The following PSTPIP2 variants were observed in gnomAD, a reference collection of about 807,000 sequenced individuals.
PSTPIP2 encodes proline-serine-threonine phosphatase interacting protein 2.
A neutral mutation model predicts 63.3 loss-of-function variants in PSTPIP2; 33 were observed. That is an observed-to-expected ratio of 0.52 (90% CI 0.40 to 0.70). PSTPIP2 has a LOEUF of 0.70. Ranked by LOEUF, PSTPIP2 falls within the 30% of genes least tolerant of loss-of-function variation. PSTPIP2 has a pLI of 0.00. For missense variants in PSTPIP2, 312 were observed against 400.7 expected (o/e 0.78, Z 1.89); for synonymous variants, 125 against 132.7 (o/e 0.94, Z 0.40).
At chr18:46,059,435 C>T (rs1041621877) in intron 1 of PSTPIP2, among the ~76,000 whole-genome samples, 1 of 151,920 alleles carries the variant, frequency 6.6e-6, no homozygotes, top group Non-Finnish European at 1.5e-5. Flanking sequence ...TTTTAGTAAA[C>T]ACATGGTTTC....
chr18:46,039,889 TGTC>T (rs990400457), intron 2 of PSTPIP2, 55 bp downstream of exon 2: 8 of 1,409,752 alleles, frequency 5.7e-6, no homozygotes, highest in Non-Finnish European at 7.0e-6. Context: ...AATTGTTCCT[TGTC>T]TGTGTGGAGA....
At chr18:46,053,493 C>G (rs1908649619) in intron 1 of PSTPIP2, among the ~76,000 whole-genome samples, 1 of 152,044 alleles carries the variant, frequency 6.6e-6, no homozygotes. Context: ...GATTTTTTAC[C>G]CAGCTTGATC....
chr18:46,049,776 A>T (rs560931142), intron 1 of PSTPIP2, among the ~76,000 whole-genome samples: 2 of 152,314 alleles, frequency 1.3e-5, no homozygotes, highest in African/African-American at 4.8e-5. Flanking sequence ...GTTACTTGGG[A>T]GGCTGAGGCA....
intron 9 of PSTPIP2, among the ~76,000 whole-genome samples, chr18:45,994,518 C>A (rs543919914): frequency 6.6e-6 from 1 of 152,320 alleles, no homozygotes; most frequent in East Asian, 1.9e-4. Flanking sequence ...TCTACCCCCA[C>A]AGTTTCTGAT....
chr18:46,020,184 G>T (rs1006667427), intron 3 of PSTPIP2, among the ~76,000 whole-genome samples: 15 of 152,122 alleles, frequency 9.9e-5, no homozygotes, highest in Non-Finnish European at 2.2e-4. Flanking sequence ...TGGGAATGGT[G>T]GCGTAACAAC....
intron 7 of PSTPIP2, 125 bp from the exon 8 acceptor site, chr18:45,998,964 T>C: frequency 1.1e-6 from 1 of 935,334 alleles, no homozygotes; most frequent in South Asian, 1.5e-5. Flanking sequence ...AAGTCCTGTG[T>C]ACATTTCCCT....
chr18:46,044,573 A>T (rs1312911677), intron 1 of PSTPIP2, among the ~76,000 whole-genome samples: 1 of 152,222 alleles, frequency 6.6e-6, no homozygotes, highest in African/African-American at 2.4e-5. Context: ...AAACCTAGGC[A>T]TTACCATTCA....
At chr18:46,003,741 T>C (rs1599705628) in intron 6 of PSTPIP2, among the ~76,000 whole-genome samples, 1 of 146,450 alleles carries the variant, frequency 6.8e-6, no homozygotes, top group African/African-American at 2.6e-5. Context: ...CCTTCTTCTC[T>C]CCCCCTTTCA....
intron 9 of PSTPIP2, among the ~76,000 whole-genome samples, chr18:45,995,868 T>C (rs2051588818): frequency 6.6e-6 from 1 of 152,030 alleles, no homozygotes; most frequent in Non-Finnish European, 1.5e-5. Context: ...CAGGCTAGAG[T>C]GTAGTGGCAT....
At chr18:45,987,163 T>G (rs762326345) in intron 14 of PSTPIP2, among the ~76,000 whole-genome samples, 1 of 152,202 alleles carries the variant, frequency 6.6e-6, no homozygotes, top group Non-Finnish European at 1.5e-5. Context: ...TTTATGTAAT[T>G]AGGACAAGTT....
intron 14 of PSTPIP2, among the ~76,000 whole-genome samples, chr18:45,987,042 G>A (rs1319952486): frequency 2.0e-5 from 3 of 152,066 alleles, no homozygotes; most frequent in Non-Finnish European, 4.4e-5. Context: ...TAGTAGAGAT[G>A]GGGTTTCACC....
intron 1 of PSTPIP2, among the ~76,000 whole-genome samples, chr18:46,063,001 C>G (rs1365148710): frequency 6.6e-6 from 1 of 152,108 alleles, no homozygotes; most frequent in African/African-American, 2.4e-5. Context: ...CCCTCATACT[C>G]AAAAGACAGT....
chr18:46,072,169 T>C lies in PSTPIP2; in HGVS notation c.20A>G (p.Lys7Arg), dbSNP rs1210046821. The change falls in exon 1 of 15, where the codon AAG becomes AGG. Residue 7 changes from lysine to arginine, a missense_variant. Physicochemically the swap from Lys to Arg is conservative, Grantham distance 26. Transcript: ENST00000409746. ...CCCACGACTTACCCAAAAGTTTCCCTTGAACAGTGAGCGCGTCATCGCAGC... is the reference window on the plus strand; with the variant it reads ...CCCACGACTTACCCAAAAGTTTCCCCTGAACAGTGAGCGCGTCATCGCAGC... The part of the protein sequence containing the change: MTRSLF[K>R]GNFWSADILS... The C allele has an allele frequency of 2.0e-6, 3 of 1,535,420 alleles. No homozygotes were observed. The highest frequency in any genetic ancestry group is 1.4e-5 in the African/African-American group (1 of 70,820).
At chr18:45,996,209 A>G (rs1437271013) in intron 9 of PSTPIP2, among the ~76,000 whole-genome samples, 3 of 152,200 alleles carry the variant, frequency 2.0e-5, no homozygotes, top group Non-Finnish European at 4.4e-5. Flanking sequence ...AAGGTGGGGA[A>G]AGGCAAGCTG....
At chr18:46,043,080 C>A (rs1431977887) in intron 1 of PSTPIP2, among the ~76,000 whole-genome samples, 2 of 151,942 alleles carry the variant, frequency 1.3e-5, no homozygotes, top group Non-Finnish European at 2.9e-5. Context: ...CAAAGAGTTT[C>A]CTCATCCTTA....
chr18:46,017,803 A>G (rs1467661032), intron 3 of PSTPIP2, among the ~76,000 whole-genome samples: 1 of 152,138 alleles, frequency 6.6e-6, no homozygotes, highest in Non-Finnish European at 1.5e-5. Context: ...AGTGGTTTTC[A>G]AGAATATAAT....
chr18:46,061,413 G>A (rs896326848), intron 1 of PSTPIP2, among the ~76,000 whole-genome samples: 7 of 152,090 alleles, frequency 4.6e-5, no homozygotes, highest in African/African-American at 7.2e-5. Context: ...ATGGAGATTC[G>A]GAGGACCTGG....
In PSTPIP2 at chr18:45,991,807, T is replaced by C. The variant is rs1001007802; in HGVS notation, c.920+95A>G. ...CAGCCTTATTAAGCAGATGCAGTAG[T>C]AGATATGTTCCAATTCTAACATGTC... On this transcript the variant is annotated intron_variant, in intron 12 of 14. Coordinates refer to ENST00000409746, the MANE Select transcript of PSTPIP2 (RefSeq NM_024430.4). The C allele has an allele frequency of 5.0e-6, 6 of 1,196,962 alleles. No homozygotes were observed. The African/African-American group carries it at 9.1e-5, about 18-fold the overall frequency. The allele number at this position is 1,196,962 out of a possible 1,614,324, so 74.1% of individuals were successfully genotyped here.
chr18:46,053,116 C>T (rs1312502777), intron 1 of PSTPIP2, among the ~76,000 whole-genome samples: 1 of 152,172 alleles, frequency 6.6e-6, no homozygotes, highest in East Asian at 1.9e-4. Context: ...ATTCCAAGAA[C>T]TTTTCACCTT....
Sources: allele counts gnomAD v4.1 joint callset (sites outside exome capture counted in the v4.1 genomes callset), GRCh38; gene constraint gnomAD v4.1.1; transcripts MANE v1.5; gene names NCBI Gene and HGNC (gene_info 2026-07-23, HGNC 2026-07-21).